KRT78: variants seen among roughly 807,000 people sequenced by gnomAD.
KRT78 encodes the protein keratin 78.
KRT78 carries 55 observed loss-of-function variants against 51.4 expected under a neutral mutation model. The ratio of observed to expected loss-of-function variants is 1.07; its 90% CI spans 0.86 to 1.34. The LOEUF is 1.34. Among genes scored for constraint, KRT78 ranks in the 40% most tolerant of loss-of-function variants. KRT78 has a pLI of 0.00. For synonymous variants in KRT78, 291 were observed against 264.3 expected (o/e 1.10, Z -0.98); for missense variants, 652 against 649.4 (o/e 1.00, Z -0.04).
intron 2 of KRT78, 96 bp from the exon 3 acceptor site, chr12:52,846,920 C>A: frequency 1.2e-6 from 1 of 848,728 alleles, no homozygotes. Flanking sequence ...GGACTCCTTG[C>A]CTTAGAATGC....
At chr12:52,847,334 T>C (rs868520731) in intron 2 of KRT78, among the ~76,000 whole-genome samples, 2 of 152,276 alleles carry the variant, frequency 1.3e-5, no homozygotes. Context: ...AGAGATGAGA[T>C]GCCTTGCCCA....
At chr12:52,842,499 C>T (rs543768475) in intron 6 of KRT78, among the ~76,000 whole-genome samples, 33 of 152,250 alleles carry the variant, frequency 2.2e-4, no homozygotes, top group South Asian at 1.0e-3. Flanking sequence ...CCCACCCTGC[C>T]GCCCACCTCA....
At chr12:52,844,071 T>C in intron 6 of KRT78, 22 bp downstream of exon 6, 1 of 1,611,344 alleles carries the variant, frequency 6.2e-7, no homozygotes, top group Non-Finnish European at 8.5e-7. Context: ...GAGAGGACAT[T>C]TGGGGGTCTC....
chr12:52,838,667 G>C lies in KRT78; in HGVS notation c.*446C>G, dbSNP rs1940401496. 1 of 172,210 alleles carries C rather than the reference G, an allele frequency of 5.8e-6. No homozygotes were observed. The highest frequency in any genetic ancestry group is 1.3e-5 in the Non-Finnish European group (1 of 79,864). The allele number at this position is 172,210 out of a possible 1,614,324, so 10.7% of individuals were successfully genotyped here. A position where few individuals can be genotyped will look rare whatever the true frequency, so the allele number is the denominator to read the frequency against. ...AGTCAGGAAGAAGGAGGAACAAGAA[G>C]GAAGGGGGCTGCCCCAGTCAGGACT... is the stretch of plus-strand genomic sequence containing the variant. On this transcript the variant is annotated 3_prime_UTR_variant, in exon 9 of 9. Transcript: ENST00000304620.
At chr12:52,847,782 G>T in intron 2 of KRT78, 125 bp downstream of exon 2, 1 of 768,854 alleles carries the variant, frequency 1.3e-6, no homozygotes, top group Non-Finnish European at 2.2e-6. Context: ...ACGCGGAGGG[G>T]TAGAGGGGAG....
In KRT78 at chr12:52,839,331, CA is replaced by C; in HGVS notation, c.1344del (p.Gly449GlufsTer24). The part of the protein sequence containing the change: ...GGSAVMSGGV[G>X]GGLGSTCGLG... ...AGTCCACAAGTGCTCCCCAAGCCTC[CA>C]CCAACTCCTCCAGACATGACAGCGC... On this transcript the variant is annotated frameshift_variant, in exon 9 of 9. Transcript: ENST00000304620. LOFTEE classifies it low-confidence loss of function (END_TRUNC). The C allele has an allele frequency of 6.2e-7, 1 of 1,614,046 alleles. No individual in the cohort carries two copies. Among genetic ancestry groups the C allele is most frequent in the Non-Finnish European group, 8.5e-7 (1 of 1,180,004 alleles).
chr12:52,848,460 A>C, intron 1 of KRT78, 87 bp downstream of exon 1: 1 of 1,561,404 alleles, frequency 6.4e-7, no homozygotes, highest in South Asian at 1.2e-5. Flanking sequence ...TGGTAGAAGG[A>C]GGCCAAACTT....
In KRT78 at chr12:52,847,939, G is replaced by A; in HGVS notation, c.567C>T (p.Ala189=). ...ERGALDAELK[A]CRDQEEEYKS... is the part of the protein sequence containing the mutation. ...TATACTCCTCCTCCTGGTCCCGGCA[G>A]GCCTTCAACTCAGCATCCAGAGCCC... Residue 189 remains alanine, a synonymous_variant, in exon 2 of 9, where the codon GCC becomes GCT. Coordinates refer to ENST00000304620, the MANE Select transcript of KRT78 (RefSeq NM_173352.4). The A allele has an allele frequency of 6.2e-7, 1 of 1,614,200 alleles. No homozygotes were observed. The highest frequency in any genetic ancestry group is 2.2e-5 in the East Asian group (1 of 44,884).
At chr12:52,847,279 G>A (rs1340620021) in intron 2 of KRT78, among the ~76,000 whole-genome samples, 1 of 152,154 alleles carries the variant, frequency 6.6e-6, no homozygotes, top group Non-Finnish European at 1.5e-5. Flanking sequence ...GGCCAGAAGG[G>A]CAGGTGACAT....
intron 6 of KRT78, among the ~76,000 whole-genome samples, chr12:52,840,843 G>A (rs572657656): frequency 3.3e-5 from 5 of 152,318 alleles, no homozygotes; most frequent in African/African-American, 1.2e-4. Flanking sequence ...GAGGGAGCAC[G>A]GCCCCGCCAA....
At chr12:52,840,844 G>A (rs1169910287) in intron 6 of KRT78, among the ~76,000 whole-genome samples, 2 of 152,206 alleles carry the variant, frequency 1.3e-5, no homozygotes, top group South Asian at 2.1e-4. Flanking sequence ...AGGGAGCACG[G>A]CCCCGCCAAC....
In KRT78 at chr12:52,846,828, C is replaced by T; in HGVS notation, c.600-4G>A. On this transcript the variant is annotated splice_region_variant and splice_polypyrimidine_tract_variant and intron_variant, in intron 2 of 8. Transcript: ENST00000304620. ...CCTGTGGGCCTCCTCCTCATACCTG[C>T]CAAATAAGTAGAGAAGGATGCAGTT... The T allele has an allele frequency of 6.2e-7, 1 of 1,612,394 alleles. No individual in the cohort carries two copies. Among genetic ancestry groups the T allele is most frequent in the Non-Finnish European group, 8.5e-7 (1 of 1,178,712 alleles).
chr12:52,842,498 C>A (rs767022486), intron 6 of KRT78, among the ~76,000 whole-genome samples: 1 of 152,180 alleles, frequency 6.6e-6, no homozygotes, highest in Non-Finnish European at 1.5e-5. Context: ...CCCCACCCTG[C>A]CGCCCACCTC....
intron 3 of KRT78, among the ~76,000 whole-genome samples, 200 bp downstream of exon 3, chr12:52,846,564 G>C (rs10876363): frequency 6.6e-6 from 1 of 152,000 alleles, no homozygotes; most frequent in Non-Finnish European, 1.5e-5. Flanking sequence ...TCAAGAGCTC[G>C]TCAAGCAGTC....
chr12:52,839,742 G>T, intron 7 of KRT78, 22 bp downstream of exon 7: 1 of 1,605,684 alleles, frequency 6.2e-7, no homozygotes, highest in Non-Finnish European at 8.5e-7. Flanking sequence ...CATATTCCCA[G>T]GTCCCTCCAA....
intron 3 of KRT78, 133 bp downstream of exon 3, chr12:52,846,631 A>C: frequency 1.2e-6 from 1 of 837,106 alleles, no homozygotes; most frequent in Non-Finnish European, 1.9e-6. Flanking sequence ...CCATTTTCCC[A>C]GGGGACCCCT....
In KRT78 at chr12:52,846,167, G is replaced by C. The variant is rs779841657; in HGVS notation, c.756+30C>G. On this transcript the variant is annotated intron_variant, in intron 4 of 8. Coordinates refer to ENST00000304620, the MANE Select transcript of KRT78 (RefSeq NM_173352.4). Reference sequence around the variant, plus strand: ...CCTGCCCACCCAGTCCTCTCTCTTGGCTGCAGCCTGCCCTTTGGTTGAGCC... The same window carrying C: ...CCTGCCCACCCAGTCCTCTCTCTTGCCTGCAGCCTGCCCTTTGGTTGAGCC... 4 of 1,518,264 alleles carry C rather than the reference G, an allele frequency of 2.6e-6. No individual in the cohort carries two copies. The Admixed American group carries it at 6.7e-5, about 25-fold the overall frequency. The allele number at this position is 1,518,264 out of a possible 1,614,324, so 94.0% of individuals were successfully genotyped here.
intron 4 of KRT78, chr12:52,845,966 A>AG (rs1198140451): frequency 2.6e-5 from 13 of 509,244 alleles, no homozygotes; most frequent in Non-Finnish European, 4.5e-5. Flanking sequence ...AAAAAAAAAA[A>AG]GCAATTTTTT....
Position 52,848,559 on chromosome 12 carries a change from G to A in KRT78, c.372C>T (p.Ser124=). The A allele has an allele frequency of 6.2e-7, 1 of 1,614,072 alleles. No homozygotes were observed. ...EIRTLNNQFA[S]FIDKVRFLEQ... is the part of the protein sequence containing the mutation. The stretch of plus-strand genomic sequence containing the variant: ...AGTTGACCCTCACCTTGTCAATGAA[G>A]GAAGCAAACTGGTTGTTGAGGGTTC... Residue 124 remains serine, a synonymous_variant, in exon 1 of 9, where the codon TCC becomes TCT. Coordinates refer to ENST00000304620, the MANE Select transcript of KRT78 (RefSeq NM_173352.4).
Sources: gnomAD v4.1 joint callset for allele counts (sites outside exome capture counted in the v4.1 genomes callset) on GRCh38, gnomAD v4.1.1 for gene constraint, MANE v1.5 for transcripts, NCBI Gene and HGNC (gene_info 2026-07-23, HGNC 2026-07-21) for gene names.